SYCE1L: variants seen among roughly 807,000 people sequenced by gnomAD.
SYCE1L encodes synaptonemal complex central element protein 1 like.
In SYCE1L, 51 loss-of-function variants were observed where a neutral mutation model predicts 39.6. The observed-to-expected ratio is 1.29, with a 90% CI of 1.03 to 1.63. The LOEUF is 1.63. Among genes scored for constraint, SYCE1L ranks in the 40% most tolerant of loss-of-function variants. The pLI, the probability that SYCE1L is intolerant of heterozygous loss-of-function variation, is 0.00. For missense variants in SYCE1L, 426 were observed against 304.9 expected (o/e 1.40, Z -2.96); for synonymous variants, 147 against 122.4 (o/e 1.20, Z -1.33).
At position 77,199,422 on chromosome 16, in the gene SYCE1L, G is replaced by C. The variant is rs754198233; in HGVS notation, c.-30G>C. 1 of 1,550,648 alleles carries C rather than the reference G, an allele frequency of 6.4e-7. No homozygotes were observed. Among genetic ancestry groups the C allele is most frequent in the Admixed American group, 2.0e-5 (1 of 50,924 alleles). ...TTTCTTTTTTAACCAGTCATCAAGC[G>C]AGGCTCGCGCGCAGGCCCCGCGTTG... On this transcript the variant is annotated 5_prime_UTR_variant, in exon 1 of 11. Transcript: ENST00000378644.
At chr16:77,205,903 TTAAAAA>T (rs574181774) in intron 1 of SYCE1L, among the ~76,000 whole-genome samples, 1 of 152,166 alleles carries the variant, frequency 6.6e-6, no homozygotes, top group East Asian at 1.9e-4. Context: ...ACTCTCTATA[TTAAAAA>T]TAAAAATAAA....
chr16:77,212,974 C>A lies in SYCE1L; in HGVS notation c.*43C>A, dbSNP rs1459602570. On this transcript the variant is annotated 3_prime_UTR_variant, in exon 11 of 11. Coordinates refer to ENST00000378644, the MANE Select transcript of SYCE1L (RefSeq NM_001129979.3). ...GTTCCCGACCTTCCCTCGAGACCCG[C>A]CAAGAAATAAAGGCGATGATTTCCG... is the stretch of plus-strand genomic sequence containing the variant. The A allele has an allele frequency of 6.9e-7, 1 of 1,450,068 alleles. No individual in the cohort carries two copies. The allele number at this position is 1,450,068 out of a possible 1,614,324, so 89.8% of individuals were successfully genotyped here. A position where few individuals can be genotyped will look rare whatever the true frequency, so the allele number is the denominator to read the frequency against.
At chr16:77,203,574 G>T (rs1424530598) in intron 1 of SYCE1L, among the ~76,000 whole-genome samples, 7 of 146,568 alleles carry the variant, frequency 4.8e-5, no homozygotes, top group African/African-American at 1.7e-4. Flanking sequence ...ATCCCCTAAG[G>T]TATCTTCAAG....
At chr16:77,202,385 A>G (rs2054752150) in intron 1 of SYCE1L, 1 of 152,214 alleles carries the variant, frequency 6.6e-6, no homozygotes, top group Admixed American at 6.5e-5. Context: ...TCAAAATAAA[A>G]TGTTTAAAAG....
chr16:77,209,312 C>G, intron 5 of SYCE1L, 105 bp from the exon 6 acceptor site: 1 of 1,390,136 alleles, frequency 7.2e-7, no homozygotes, highest in Non-Finnish European at 1.0e-6. Flanking sequence ...CACCCAAGTC[C>G]TCACAGTGCC....
In SYCE1L at chr16:77,209,092, T is replaced by G; in HGVS notation, c.257-5T>G. Reference sequence around the variant, plus strand: ...GGAGGCAGAAAGTGTCATTGTGTTTTCCAGTGAATGGAGAGAAAGTGCACC... The same window carrying G: ...GGAGGCAGAAAGTGTCATTGTGTTTGCCAGTGAATGGAGAGAAAGTGCACC... On this transcript the variant is annotated splice_region_variant and splice_polypyrimidine_tract_variant and intron_variant, in intron 4 of 10. Coordinates refer to ENST00000378644, the MANE Select transcript of SYCE1L (RefSeq NM_001129979.3). 6.4e-7 allele frequency: 1 copy of G among 1,551,694 alleles called. No homozygotes were observed. Among genetic ancestry groups the G allele is most frequent in the Non-Finnish European group, 8.7e-7 (1 of 1,146,992 alleles).
intron 7 of SYCE1L, among the ~76,000 whole-genome samples, chr16:77,211,658 G>A (rs2142520971): frequency 6.6e-6 from 1 of 152,336 alleles, no homozygotes; most frequent in South Asian, 2.1e-4. Context: ...AGGGAGGGTA[G>A]CAGATCAAAG....
At chr16:77,208,012 T>A (rs1270210237) in intron 2 of SYCE1L, among the ~76,000 whole-genome samples, 198 bp from the exon 3 acceptor site, 1 of 152,218 alleles carries the variant, frequency 6.6e-6, no homozygotes, top group Non-Finnish European at 1.5e-5. Context: ...CTGAATTGAT[T>A]TATTTATCTT....
At chr16:77,208,817 C>T (rs1295461791) in intron 4 of SYCE1L, among the ~76,000 whole-genome samples, 1 of 152,210 alleles carries the variant, frequency 6.6e-6, no homozygotes, top group Non-Finnish European at 1.5e-5. Context: ...CCACCTGACA[C>T]TGTGTGTGTA....
intron 7 of SYCE1L, 76 bp downstream of exon 7, chr16:77,211,352 A>T: frequency 6.6e-7 from 1 of 1,509,754 alleles, no homozygotes; most frequent in Non-Finnish European, 9.0e-7. Context: ...CCCAGAGTCC[A>T]CCCCTGCCCA....
At chr16:77,200,274 G>GTATATATATATATATATATATA (rs1229854135) in intron 1 of SYCE1L, 9 of 113,570 alleles carry the variant, frequency 7.9e-5, no homozygotes, top group South Asian at 2.6e-4. Context: ...ATATATATGT[G>GTATATATATATATATATATATA]TATATATATA....
At chr16:77,208,627 A>G (rs2054802424) in intron 4 of SYCE1L, 88 bp downstream of exon 4, 1 of 1,262,984 alleles carries the variant, frequency 7.9e-7, no homozygotes, top group Non-Finnish European at 1.1e-6. Flanking sequence ...TCCCTGGCCT[A>G]CAATGCTCTT....
chr16:77,209,186 C>T (rs1197256913), intron 5 of SYCE1L, 42 bp downstream of exon 5: 6 of 1,547,240 alleles, frequency 3.9e-6, no homozygotes, highest in Middle Eastern at 1.7e-4. Context: ...TACTCTTCCA[C>T]CCCACAAAAG....
chr16:77,200,301 AATC>A (rs1791343239), intron 1 of SYCE1L: 1 of 61,718 alleles, frequency 1.6e-5, no homozygotes, highest in South Asian at 4.9e-4. Context: ...TACACACACT[AATC>A]AGCCGGGCGC....
intron 6 of SYCE1L, 89 bp from the exon 7 acceptor site, chr16:77,211,124 G>C: frequency 2.3e-5 from 32 of 1,404,328 alleles, no homozygotes; most frequent in Non-Finnish European, 3.1e-5. Flanking sequence ...AGGGAGCATG[G>C]GCAGGATCTG....
intron 3 of SYCE1L, 82 bp from the exon 4 acceptor site, chr16:77,208,383 G>A: frequency 6.5e-7 from 1 of 1,544,158 alleles, no homozygotes; most frequent in Non-Finnish European, 8.8e-7. Context: ...GTTTGAAGAT[G>A]ACTGTGCAAT....
chr16:77,199,707 A>G (rs996698742), intron 1 of SYCE1L, 195 bp downstream of exon 1: 2 of 531,292 alleles, frequency 3.8e-6, no homozygotes, highest in Admixed American at 3.4e-5. Context: ...TATTCTTATC[A>G]CCGAGATTAA....
Position 77,200,272 on chromosome 16 carries a change from GTGTA to G in SYCE1L, c.61+762_61+765del, listed in dbSNP as rs1366210458. The G allele has an allele frequency of 1.1e-4, 9 of 84,654 alleles. 1 individual carries two copies. Among genetic ancestry groups the G allele is most frequent in the Non-Finnish European group, 1.4e-4 (6 of 42,936 alleles). 5.2% of individuals were successfully genotyped at this position (84,654 alleles called of 1,614,324 possible). A position where few individuals can be genotyped will look rare whatever the true frequency, so the allele number is the denominator to read the frequency against. On this transcript the variant is annotated intron_variant, in intron 1 of 10. Transcript: ENST00000378644. ...TGTATATGTGTATATATATATATATGTGTATATATATATATATATACACACACTA... is the reference window on the plus strand; with the variant it reads ...TGTATATGTGTATATATATATATATGTATATATATATATATACACACACTA...
chr16:77,212,794 C>T (rs2054835067), intron 10 of SYCE1L, 63 bp from the exon 11 acceptor site: 1 of 1,432,658 alleles, frequency 7.0e-7, no homozygotes, highest in Non-Finnish European at 9.1e-7. Flanking sequence ...AGGCCTAGGG[C>T]AGACGCGGGC....
Sources: gnomAD v4.1 joint callset for allele counts (sites outside exome capture counted in the v4.1 genomes callset) on GRCh38, gnomAD v4.1.1 for gene constraint, MANE v1.5 for transcripts, NCBI Gene and HGNC (gene_info 2026-07-23, HGNC 2026-07-21) for gene names.